Variants in LMF1 observed in about 807,000 individuals in gnomAD.
LMF1 encodes the protein lipase maturation factor 1.
Under a neutral mutation model 60.6 loss-of-function variants are expected in LMF1, and 68 were observed. That is an observed-to-expected ratio of 1.12 (90% CI 0.92 to 1.37). LMF1 has a LOEUF of 1.37. Among genes scored for constraint, LMF1 ranks in the 40% most tolerant of loss-of-function variants. LMF1 has a pLI of 0.00. For missense variants in LMF1, 948 were observed against 767.2 expected, an observed-to-expected ratio of 1.24 and a Z score of -2.78; for synonymous variants, 418 against 324.7, an observed-to-expected ratio of 1.29 and a Z score of -3.09.
intron 1 of LMF1, among the ~76,000 whole-genome samples, chr16:966,137 G>A (rs1042232580): frequency 6.6e-6 from 1 of 151,602 alleles, no homozygotes; most frequent in Non-Finnish European, 1.5e-5. Context: ...ACCCTGGGAA[G>A]GCAGAGGCCA....
intron 1 of LMF1, chr16:979,858 C>A: frequency 2.3e-6 from 1 of 433,438 alleles, no homozygotes; most frequent in South Asian, 1.6e-5. Flanking sequence ...TGCCTGCATC[C>A]CAGGCCTAAC....
In LMF1 at chr16:928,685, C is replaced by T. The variant is rs113743382; in HGVS notation, c.514+5559G>A. Among the ~76,000 whole-genome samples the T allele has an allele frequency of 8.6e-3, 1,299 of 151,600 alleles. 20 individuals are homozygous for T. Among genetic ancestry groups the T allele is most frequent in the African/African-American group, 0.03 (1,225 of 41,326 alleles). On this transcript the variant is annotated intron_variant, in intron 3 of 10. Coordinates refer to ENST00000262301, the MANE Select transcript of LMF1 (RefSeq NM_022773.4). ...GGTTCCCTGCACGAGCCCATCCCCA[C>T]GCCCCCACGAGCCCCTCCCCACATC...
intron 3 of LMF1, among the ~76,000 whole-genome samples, chr16:923,076 C>T (rs2071487853): frequency 1.5e-5 from 2 of 134,040 alleles, no homozygotes; most frequent in African/African-American, 2.7e-5. Flanking sequence ...GTGTTGGTGT[C>T]GTGTTGTTGC....
intron 3 of LMF1, chr16:933,778 T>C (rs2071859668): frequency 1.0e-5 from 4 of 396,514 alleles, no homozygotes; most frequent in South Asian, 8.5e-5. Flanking sequence ...GGCTGCCCTC[T>C]TCCCACCCTC....
chr16:968,076 C>A (rs964257822), intron 1 of LMF1, among the ~76,000 whole-genome samples: 1 of 152,234 alleles, frequency 6.6e-6, no homozygotes, highest in East Asian at 1.9e-4. Context: ...GCGGTATGCA[C>A]GTCTGTGTGC....
intron 10 of LMF1, among the ~76,000 whole-genome samples, chr16:858,381 G>C (rs1159597463): frequency 3.6e-5 from 2 of 56,106 alleles, no homozygotes; most frequent in Admixed American, 1.5e-4. Context: ...ACGGGTGTGA[G>C]TGGTGTCTCG....
upstream of LMF1, among the ~76,000 whole-genome samples, chr16:971,170 C>A (rs540546108): frequency 1.6e-4 from 24 of 152,320 alleles, no homozygotes; most frequent in African/African-American, 3.6e-4. Context: ...GGAGCGGGTG[C>A]CCGGAGCCTG....
At chr16:888,944 G>GC (rs887147332) in intron 5 of LMF1, among the ~76,000 whole-genome samples, 3 of 152,222 alleles carry the variant, frequency 2.0e-5, no homozygotes, top group African/African-American at 7.2e-5. Context: ...TGCTGCGCTG[G>GC]CCCTGGGATC....
At chr16:869,597 T>A in intron 9 of LMF1, 1 of 644,110 alleles carries the variant, frequency 1.6e-6, no homozygotes, top group South Asian at 1.5e-5. Flanking sequence ...TTTTGTATTG[T>A]TCGTAGATAC....
At chr16:898,357 G>T (rs528019708) in intron 4 of LMF1, among the ~76,000 whole-genome samples, 1 of 152,364 alleles carries the variant, frequency 6.6e-6, no homozygotes, top group East Asian at 1.9e-4. Flanking sequence ...GAGCCTAGGG[G>T]ACCCACGCTG....
chr16:887,616 C>T (rs1198053557), intron 5 of LMF1, among the ~76,000 whole-genome samples: 1 of 152,174 alleles, frequency 6.6e-6, no homozygotes, highest in Non-Finnish European at 1.5e-5. Flanking sequence ...CCGCAGAACT[C>T]TGGGAGCCCA....
chr16:974,266 G>A (rs1288677014), upstream of LMF1, among the ~76,000 whole-genome samples: 3 of 152,168 alleles, frequency 2.0e-5, no homozygotes, highest in South Asian at 2.1e-4. Flanking sequence ...TGCAGCGGCC[G>A]GGAGATCGGC....
intron 2 of LMF1, among the ~76,000 whole-genome samples, chr16:943,887 C>T (rs2072173440): frequency 6.6e-6 from 1 of 151,956 alleles, no homozygotes; most frequent in African/African-American, 2.4e-5. Context: ...TCCTATTTTC[C>T]TGTTTCTTTA....
chr16:904,175 A>G, intron 4 of LMF1: 1 of 90,502 alleles, frequency 1.1e-5, no homozygotes, highest in Non-Finnish European at 1.9e-5. Context: ...CGCCCACAGG[A>G]CGCCTGTCTC....
chr16:969,356 A>AAG (rs144966079), intron 1 of LMF1, among the ~76,000 whole-genome samples: 1,844 of 152,088 alleles, frequency 0.012, 26 homozygotes, highest in South Asian at 0.099. Context: ...GCTTTAAAGA[A>AAG]AGAGAGAGAG....
intron 4 of LMF1, among the ~76,000 whole-genome samples, chr16:896,395 A>G (rs947007306): frequency 1.3e-5 from 2 of 152,186 alleles, no homozygotes; most frequent in Non-Finnish European, 2.9e-5. Flanking sequence ...TGTGCCCCCA[A>G]CGACAGGGAG....
At chr16:862,156 A>T (rs1011827509) in intron 10 of LMF1, among the ~76,000 whole-genome samples, 1 of 150,678 alleles carries the variant, frequency 6.6e-6, no homozygotes, top group African/African-American at 2.5e-5. Context: ...TTTGTTATAT[A>T]TTGGCAAATT....
At chr16:858,676 C>G (rs370746744) in intron 10 of LMF1, among the ~76,000 whole-genome samples, 36 of 45,608 alleles carry the variant, frequency 7.9e-4, no homozygotes, top group Non-Finnish European at 1.1e-3. Flanking sequence ...TGTCACGGGA[C>G]GGGTGTGAGT....
intron 2 of LMF1, among the ~76,000 whole-genome samples, chr16:935,767 G>T (rs7184419): frequency 0.43 from 65,124 of 152,108 alleles, 16,601 homozygotes; most frequent in African/African-American, 0.71. Flanking sequence ...ACAGGGTGTG[G>T]GACGGCCCTC....
Sources: gnomAD v4.1 joint callset for allele counts (sites outside exome capture counted in the v4.1 genomes callset) on GRCh38, gnomAD v4.1.1 for gene constraint, MANE v1.5 for transcripts, NCBI Gene and HGNC (gene_info 2026-07-23, HGNC 2026-07-21) for gene names.